ZMYM4: variants seen among roughly 807,000 people sequenced by gnomAD.
ZMYM4 encodes zinc finger MYM-type protein 4.
In ZMYM4, 31 loss-of-function variants were observed where a neutral mutation model predicts 183.2. The ratio of observed to expected loss-of-function variants is 0.17; its 90% CI spans 0.13 to 0.23. The LOEUF is 0.23. ZMYM4 is among the 10% of genes least tolerant of loss of function. ZMYM4 has a pLI of 1.00. For missense variants in ZMYM4, 1,273 were observed against 1,840.3 expected, an observed-to-expected ratio of 0.69 and a Z score of 5.64; for synonymous variants, 592 against 631.2, an observed-to-expected ratio of 0.94 and a Z score of 0.93.
At chr1:35,415,380 A>G (rs1640074372) in intron 27 of ZMYM4, 86 bp from the exon 28 acceptor site, 2 of 1,540,342 alleles carry the variant, frequency 1.3e-6, no homozygotes, top group South Asian at 2.5e-5. Flanking sequence ...TTCTCTTTAT[A>G]TCTCCCTGTC....
intron 2 of ZMYM4, among the ~76,000 whole-genome samples, chr1:35,354,641 C>A (rs540301511): frequency 6.9e-6 from 1 of 145,974 alleles, no homozygotes; most frequent in South Asian, 2.2e-4. Flanking sequence ...GCAGGAGAAT[C>A]GCTTGAACCT....
chr1:35,302,073 C>G (rs1266781351), intron 1 of ZMYM4, among the ~76,000 whole-genome samples: 1 of 152,160 alleles, frequency 6.6e-6, no homozygotes, highest in African/African-American at 2.4e-5. Flanking sequence ...AAGTTGAAAT[C>G]CTGTTCCATT....
chr1:35,308,557 C>T (rs890266393), intron 1 of ZMYM4, among the ~76,000 whole-genome samples: 7 of 152,020 alleles, frequency 4.6e-5, no homozygotes, highest in Admixed American at 6.6e-5. Context: ...AGTGAGTTTT[C>T]GTAGTTAAGA....
At chr1:35,380,861 A>G (rs1239122441) in intron 7 of ZMYM4, among the ~76,000 whole-genome samples, 4 of 152,224 alleles carry the variant, frequency 2.6e-5, no homozygotes, top group African/African-American at 9.6e-5. Context: ...GTTTACTTTT[A>G]AAAGATACTA....
intron 10 of ZMYM4, 133 bp downstream of exon 10, chr1:35,385,725 C>T: frequency 9.5e-7 from 1 of 1,057,040 alleles, no homozygotes; most frequent in East Asian, 3.0e-5. Context: ...TAAAATATCA[C>T]CTGTTACCTT....
chr1:35,309,082 G>C, intron 1 of ZMYM4: 8 of 980,392 alleles, frequency 8.2e-6, no homozygotes, highest in Non-Finnish European at 9.7e-6. Context: ...AGGTTCTATA[G>C]CACAGTTGCC....
In ZMYM4 at chr1:35,359,115, A is replaced by G. The variant is rs1202828291; in HGVS notation, c.276A>G (p.Glu92=). 1 of 1,613,840 alleles carries G rather than the reference A, an allele frequency of 6.2e-7. No homozygotes were observed. Among genetic ancestry groups the G allele is most frequent in the East Asian group, 2.2e-5 (1 of 44,854 alleles). ...IPVVGSDNED[E]QDFSSKDNLV... ...TCGTTGGTAGTGACAATGAGGATGAACAGGATTTTAGTTCAAAGGACAATC... is the reference window on the plus strand; with the variant it reads ...TCGTTGGTAGTGACAATGAGGATGAGCAGGATTTTAGTTCAAAGGACAATC... Residue 92 remains glutamate (E), a synonymous_variant, in exon 3 of 30, where the codon GAA becomes GAG. Transcript: ENST00000314607.
chr1:35,318,773 T>G (rs1642162374), intron 1 of ZMYM4, among the ~76,000 whole-genome samples: 1 of 152,220 alleles, frequency 6.6e-6, no homozygotes, highest in Non-Finnish European at 1.5e-5. Context: ...CCTGGTAGAT[T>G]TTTTACAAAT....
chr1:35,269,231 A>T lies in ZMYM4; in HGVS notation c.39+146A>T. ...AGGTCTGAGGCAGCCTTGGGTCCGGAGCGCGCTGGCGAGCGGTCCCTCGGC... is the reference window on the plus strand; with the variant it reads ...AGGTCTGAGGCAGCCTTGGGTCCGGTGCGCGCTGGCGAGCGGTCCCTCGGC... On this transcript the variant is annotated intron_variant, in intron 1 of 29. Coordinates refer to ENST00000314607, the MANE Select transcript of ZMYM4 (RefSeq NM_005095.3). 10 of 678,760 alleles carry T rather than the reference A, an allele frequency of 1.5e-5. No homozygotes were observed. The South Asian group carries it at 3.3e-4, about 22-fold the overall frequency. The allele number at this position is 678,760 out of a possible 1,614,324, so 42.0% of individuals were successfully genotyped here. A position where few individuals can be genotyped will look rare whatever the true frequency, so the allele number is the denominator to read the frequency against.
At chr1:35,349,027 CCT>C (rs1643498187) in intron 2 of ZMYM4, among the ~76,000 whole-genome samples, 1 of 151,950 alleles carries the variant, frequency 6.6e-6, no homozygotes, top group Non-Finnish European at 1.5e-5. Flanking sequence ...ATGGAGTCTC[CCT>C]CTGTCACCCG....
chr1:35,383,007 A>G (rs907199460), intron 9 of ZMYM4, among the ~76,000 whole-genome samples: 2 of 152,198 alleles, frequency 1.3e-5, no homozygotes, highest in Admixed American at 1.3e-4. Flanking sequence ...AAATTATATC[A>G]TTAATTGTTA....
rs952531504 is a variant in ZMYM4, at chr1:35,387,237, A to C, written c.2071A>C (p.Asn691His). 1 of 1,614,212 alleles carries C rather than the reference A, an allele frequency of 6.2e-7. No homozygotes were observed. Among genetic ancestry groups the C allele is most frequent in the East Asian group, 2.2e-5 (1 of 44,890 alleles). The part of the protein sequence containing the change: ...SVVKLKCQHC[N>H]RLFATKPELL... ...TGTGAAACTCAAATGTCAACACTGT[A>C]ACCGTCTTTTTGCCACAAAACCAGA... Residue 691 changes from asparagine to histidine, a missense_variant, in exon 12 of 30, where the codon AAC becomes CAC. By Grantham distance (68) the Asn-to-His change is moderately conservative (BLOSUM62 1). Coordinates refer to ENST00000314607, the MANE Select transcript of ZMYM4 (RefSeq NM_005095.3).
intron 17 of ZMYM4, 114 bp from the exon 18 acceptor site, chr1:35,393,481 G>T: frequency 1.1e-6 from 1 of 945,072 alleles, no homozygotes; most frequent in Non-Finnish European, 1.5e-6. Flanking sequence ...ATATTTACTT[G>T]CTATGTCCTC....
At chr1:35,293,162 G>A (rs781363927) in intron 1 of ZMYM4, among the ~76,000 whole-genome samples, 5 of 151,320 alleles carry the variant, frequency 3.3e-5, no homozygotes, top group African/African-American at 7.3e-5. Context: ...CACCATGCTC[G>A]GCTAATTTTT....
intron 1 of ZMYM4, chr1:35,308,928 A>G: frequency 1.0e-6 from 1 of 979,884 alleles, no homozygotes; most frequent in Non-Finnish European, 1.2e-6. Context: ...CAAAACAATA[A>G]TACCAAATAA....
chr1:35,405,383 G>A lies in ZMYM4; in HGVS notation c.3711G>A (p.Gln1237=), dbSNP rs781719862. 3.7e-6 allele frequency: 6 copies of A among 1,609,896 alleles called. No homozygotes were observed. Among genetic ancestry groups the A allele is most frequent in the Admixed American group, 1.7e-5 (1 of 58,890 alleles). ...TTCTCTCCTTGTCAGGGGTTGAACA[G>A]GCCTCATCTAGCCCACGTTCTGACC... is the stretch of plus-strand genomic sequence containing the variant. The part of the protein sequence containing the change: ...QGDLKCGGVE[Q]ASSSPRSDPL... The change falls in exon 25 of 30, where the codon CAG becomes CAA. Residue 1237 remains glutamine, a synonymous_variant. Transcript: ENST00000314607.
At chr1:35,275,884 G>A (rs927202279) in intron 1 of ZMYM4, among the ~76,000 whole-genome samples, 7 of 152,072 alleles carry the variant, frequency 4.6e-5, no homozygotes, top group Non-Finnish European at 1.0e-4. Context: ...GCAATTTTGG[G>A]GTAGTAATAG....
intron 1 of ZMYM4, 151 bp from the exon 2 acceptor site, chr1:35,325,209 T>C: frequency 1.6e-6 from 1 of 621,532 alleles, no homozygotes; most frequent in South Asian, 4.0e-5. Flanking sequence ...TAAATTTTAT[T>C]TTACTCTATT....
In ZMYM4 at chr1:35,381,324, T is replaced by C; in HGVS notation, c.1247T>C (p.Phe416Ser). The change falls in exon 8 of 30, where the codon TTT (phenylalanine) becomes TCT (serine). Residue 416 changes from phenylalanine (F) to serine (S), a missense_variant. By Grantham distance (155) the Phe-to-Ser change is radical. Transcript: ENST00000314607. ...GAAAACACCACCACTAGTAAAGATT[T>C]TTGCAGTCAGTCATGTTTGTCAACA... ...QFENTTTSKD[F>S]CSQSCLSTYE... 1 of 1,613,594 alleles carries C rather than the reference T, an allele frequency of 6.2e-7. No homozygotes were observed. Among genetic ancestry groups the C allele is most frequent in the Non-Finnish European group, 8.5e-7 (1 of 1,179,704 alleles).
Sources: gnomAD v4.1 joint callset for allele counts (sites outside exome capture counted in the v4.1 genomes callset) on GRCh38, gnomAD v4.1.1 for gene constraint, MANE v1.5 for transcripts, NCBI Gene and HGNC (gene_info 2026-07-23, HGNC 2026-07-21) for gene names.